Variants in SPAST observed in about 807,000 individuals in gnomAD.
SPAST encodes spastic paraplegia 4 (autosomal dominant; spastin).
In SPAST, 30 loss-of-function variants were observed where a neutral mutation model predicts 76.6. The ratio of observed to expected loss-of-function variants is 0.39; its 90% CI spans 0.29 to 0.53. The LOEUF (loss-of-function observed/expected upper bound fraction) is 0.53, where lower values mean the gene tolerates loss of function less well. Ranked by LOEUF, SPAST falls within the 20% of genes least tolerant of loss-of-function variation. The pLI, the probability that SPAST is intolerant of heterozygous loss-of-function variation, is 0.68. For synonymous variants in SPAST, 305 were observed against 281.0 expected, an observed-to-expected ratio of 1.09 and a Z score of -0.86; for missense variants, 717 against 770.5, an observed-to-expected ratio of 0.93 and a Z score of 0.82.
intron 14 of SPAST, among the ~76,000 whole-genome samples, chr2:32,144,056 T>C (rs1045174517): frequency 2.6e-5 from 4 of 152,318 alleles, no homozygotes; most frequent in Admixed American, 2.6e-4. Flanking sequence ...AAACTGAGTA[T>C]AGGAGATGCG....
chr2:32,154,829 T>TATTCCAGGAACAGTG lies in SPAST; in HGVS notation c.*335_*349dup. 1 of 260,268 alleles carries TATTCCAGGAACAGTG rather than the reference T, an allele frequency of 3.8e-6. No homozygotes were observed. The allele number at this position is 260,268 out of a possible 1,614,324, so 16.1% of individuals were successfully genotyped here. ...TTGTATATTGTGTTGCAGATGAAAG[T>TATTCCAGGAACAGTG]ATTCCAGGAACAGTGAATGGTAGAA... On this transcript the variant is annotated 3_prime_UTR_variant, in exon 17 of 17. Transcript: ENST00000315285.
rs558920909 is a variant in SPAST, at chr2:32,151,707, C to T, written c.1729-2667C>T. On this transcript the variant is annotated intron_variant, in intron 16 of 16. Coordinates refer to ENST00000315285, the MANE Select transcript of SPAST (RefSeq NM_014946.4). Reference sequence around the variant, plus strand: ...GTTGGATCACCTGAGGTCTTGAGTTCGAGACCAGCCTGGCCAACGTGGCGA... The same window carrying T: ...GTTGGATCACCTGAGGTCTTGAGTTTGAGACCAGCCTGGCCAACGTGGCGA... 2.0e-4 allele frequency among the ~76,000 whole-genome samples: 30 copies of T among 152,198 alleles called. No individual in the cohort carries two copies. The South Asian group carries it at 4.8e-3, about 24-fold the overall frequency.
At chr2:32,085,410 T>A (rs1273140899) in intron 1 of SPAST, among the ~76,000 whole-genome samples, 1 of 152,052 alleles carries the variant, frequency 6.6e-6, no homozygotes, top group Non-Finnish European at 1.5e-5. Flanking sequence ...AGAGATAAAA[T>A]CTCACCATGT....
chr2:32,112,310 A>C (rs181088993), intron 4 of SPAST, among the ~76,000 whole-genome samples: 3 of 147,280 alleles, frequency 2.0e-5, no homozygotes, highest in Non-Finnish European at 3.0e-5. Flanking sequence ...GGTCTTATTT[A>C]TTCTAGAACC....
chr2:32,068,770 T>A (rs1676627351), intron 1 of SPAST, among the ~76,000 whole-genome samples: 1 of 151,898 alleles, frequency 6.6e-6, no homozygotes, highest in Non-Finnish European at 1.5e-5. Context: ...GGCGGGTGTG[T>A]GTAATCCCAG....
chr2:32,082,846 T>C (rs1302842006), intron 1 of SPAST, among the ~76,000 whole-genome samples: 1 of 152,216 alleles, frequency 6.6e-6, no homozygotes, highest in East Asian at 1.9e-4. Context: ...CATATGTCAG[T>C]AGTTTGTTTC....
At chr2:32,119,194 C>T (rs943861739) in intron 7 of SPAST, among the ~76,000 whole-genome samples, 2 of 152,068 alleles carry the variant, frequency 1.3e-5, no homozygotes, top group African/African-American at 2.4e-5. Context: ...CCTTGTAGTT[C>T]AGATTTCCAA....
chr2:32,137,015 T>TA, intron 11 of SPAST, 47 bp downstream of exon 11: 1 of 1,540,490 alleles, frequency 6.5e-7, no homozygotes, highest in Non-Finnish European at 9.0e-7. Flanking sequence ...TTTTAGTATA[T>TA]TTTCCTATTA....
At chr2:32,140,254 G>GTTTT (rs1240600212) in intron 12 of SPAST, among the ~76,000 whole-genome samples, 1 of 151,950 alleles carries the variant, frequency 6.6e-6, no homozygotes, top group Non-Finnish European at 1.5e-5. Flanking sequence ...TTCCTTGGTG[G>GTTTT]TTTTTTATTC....
At chr2:32,136,027 G>T (rs189551469) in intron 9 of SPAST, among the ~76,000 whole-genome samples, 6 of 150,024 alleles carry the variant, frequency 4.0e-5, no homozygotes, top group Non-Finnish European at 5.9e-5. Flanking sequence ...ACAGTGAGCC[G>T]AGATTGCACC....
intron 1 of SPAST, among the ~76,000 whole-genome samples, chr2:32,074,873 AT>A (rs1471259039): frequency 6.6e-6 from 1 of 152,098 alleles, no homozygotes; most frequent in Non-Finnish European, 1.5e-5. Context: ...GGAAATTGAC[AT>A]TTAAGTCCTG....
chr2:32,149,911 A>G (rs1680018880), intron 16 of SPAST, among the ~76,000 whole-genome samples: 1 of 151,982 alleles, frequency 6.6e-6, no homozygotes, highest in Non-Finnish European at 1.5e-5. Flanking sequence ...TAATTGCAGC[A>G]GCTGTTGAGG....
At position 32,128,820 on chromosome 2, in the gene SPAST, A is replaced by G. The variant is rs149021235; in HGVS notation, c.1245+341A>G. 2.3e-3 allele frequency: 754 copies of G among 325,438 alleles called. 3 individuals are homozygous for G. Among genetic ancestry groups the G allele is most frequent in the African/African-American group, 0.015 (714 of 46,324 alleles). 20.2% of individuals were successfully genotyped at this position (325,438 alleles called of 1,614,324 possible). A position where few individuals can be genotyped will look rare whatever the true frequency, so the allele number is the denominator to read the frequency against. ...TCCTGAGGGCTGTGAGGGAAAATGT[A>G]TGTTGTGTGCCTCTCTCCTGGCTTC... On this transcript the variant is annotated intron_variant, in intron 9 of 16. Transcript: ENST00000315285.
chr2:32,149,645 A>C (rs1386064691), intron 16 of SPAST, among the ~76,000 whole-genome samples: 1 of 152,184 alleles, frequency 6.6e-6, no homozygotes, highest in Non-Finnish European at 1.5e-5. Context: ...ACATGTACAG[A>C]CTTTTATTCT....
chr2:32,093,107 G>C (rs1164165037), intron 3 of SPAST, among the ~76,000 whole-genome samples: 1 of 151,484 alleles, frequency 6.6e-6, no homozygotes, highest in African/African-American at 2.4e-5. Flanking sequence ...TTCGAGACCA[G>C]CTGGGTGCCT....
chr2:32,078,979 A>G (rs1347547183), intron 1 of SPAST, among the ~76,000 whole-genome samples: 1 of 152,066 alleles, frequency 6.6e-6, no homozygotes, highest in Non-Finnish European at 1.5e-5. Context: ...CTGGGACTAC[A>G]GGTACATGTC....
intron 1 of SPAST, among the ~76,000 whole-genome samples, chr2:32,064,615 C>G (rs1263360896): frequency 6.6e-6 from 1 of 152,066 alleles, no homozygotes; most frequent in South Asian, 2.1e-4. Context: ...ACCAAGGTTT[C>G]CAAAAGGTTT....
intron 4 of SPAST, 68 bp from the exon 5 acceptor site, chr2:32,114,570 A>G: frequency 1.6e-6 from 2 of 1,240,314 alleles, no homozygotes; most frequent in Non-Finnish European, 2.4e-6. Flanking sequence ...TGGTTTTACA[A>G]ATGTTTGCTT....
At chr2:32,112,217 C>T (rs957554565) in intron 4 of SPAST, among the ~76,000 whole-genome samples, 8 of 151,608 alleles carry the variant, frequency 5.3e-5, no homozygotes, top group South Asian at 4.2e-4. Context: ...CCTCCCAAAG[C>T]GCTAGGATTA....
Sources: gnomAD v4.1 joint callset for allele counts (sites outside exome capture counted in the v4.1 genomes callset) on GRCh38, gnomAD v4.1.1 for gene constraint, MANE v1.5 for transcripts, NCBI Gene and HGNC (gene_info 2026-07-23, HGNC 2026-07-21) for gene names.